The following BIRC6 variants were observed in gnomAD, a reference collection of about 807,000 sequenced individuals.
The protein encoded by BIRC6 is dual E2 ubiquitin-conjugating enzyme/E3 ubiquitin-protein ligase BIRC6.
Under a neutral mutation model 503.3 loss-of-function variants are expected in BIRC6, and 98 were observed. The observed-to-expected ratio is 0.19, with a 90% confidence interval of 0.17 to 0.23. BIRC6 has a LOEUF of 0.23. BIRC6 is among the 10% of genes least tolerant of loss of function. The pLI, the probability that BIRC6 is intolerant of heterozygous loss-of-function variation, is 1.00. For synonymous variants in BIRC6, 2,240 were observed against 2,078.7 expected, an observed-to-expected ratio of 1.08 and a Z score of -2.11; for missense variants, 5,360 against 5,806.0, an observed-to-expected ratio of 0.92 and a Z score of 2.50.
chr2:32,479,349 A>T, intron 36 of BIRC6, 113 bp from the exon 37 acceptor site: 1 of 1,009,900 alleles, frequency 9.9e-7, no homozygotes, highest in Non-Finnish European at 1.5e-6. Flanking sequence ...ATTCTTTTAT[A>T]GTTAGTAGAG....
chr2:32,569,571 T>C (rs544882318), intron 65 of BIRC6, among the ~76,000 whole-genome samples: 1 of 152,116 alleles, frequency 6.6e-6, no homozygotes, highest in East Asian at 1.9e-4. Context: ...AAGGTCTTAC[T>C]ATGTTGTTCA....
In BIRC6 at chr2:32,499,523, GTCTC is replaced by G. The variant is rs145668508; in HGVS notation, c.8469-8_8469-5del. The G allele has an allele frequency of 9.7e-4, 1,308 of 1,348,028 alleles. No individual in the cohort carries two copies. Among genetic ancestry groups the G allele is most frequent in the South Asian group, 2.8e-3 (188 of 68,206 alleles). 83.5% of individuals were successfully genotyped at this position (1,348,028 alleles called of 1,614,324 possible). On this transcript the variant is annotated intron_variant, in intron 45 of 73. Transcript: ENST00000421745. Reference sequence around the variant, plus strand: ...TATCTCTCTCTCTCTCTCTTTTTCTGTCTCTCTCTCTCTCTCTCTGCAGGGGTGC... The same window carrying G: ...TATCTCTCTCTCTCTCTCTTTTTCTGTCTCTCTCTCTCTCTGCAGGGGTGC...
At chr2:32,551,085 A>G (rs2058387238) in intron 65 of BIRC6, among the ~76,000 whole-genome samples, 1 of 152,112 alleles carries the variant, frequency 6.6e-6, no homozygotes, top group African/African-American at 2.4e-5. Flanking sequence ...TTATATTAAG[A>G]TAAAATGATG....
In BIRC6 at chr2:32,490,159, CATAA is replaced by C; in HGVS notation, c.8206+11_8206+14del. 1.3e-6 allele frequency: 2 copies of C among 1,567,916 alleles called. No individual in the cohort carries two copies. Among genetic ancestry groups the C allele is most frequent in the Non-Finnish European group, 1.8e-6 (2 of 1,138,322 alleles). On this transcript the variant is annotated intron_variant, in intron 43 of 73. Transcript: ENST00000421745. ...CAAACATGCAGCTTAATTGTAAGTT[CATAA>C]ATTTATTCATTTAAATCTCTGACAT...
intron 10 of BIRC6, among the ~76,000 whole-genome samples, chr2:32,427,179 A>AT (rs2043601734): frequency 6.6e-6 from 1 of 151,596 alleles, no homozygotes; most frequent in Non-Finnish European, 1.5e-5. Context: ...TTTGCCCATT[A>AT]TTTTTTCAGG....
chr2:32,437,243 GT>G (rs1348513387), intron 15 of BIRC6, among the ~76,000 whole-genome samples: 1 of 152,090 alleles, frequency 6.6e-6, no homozygotes, highest in Non-Finnish European at 1.5e-5. Context: ...AATGATTTGA[GT>G]GTCATAAACA....
At chr2:32,576,587 CTT>C (rs1299862724) in intron 66 of BIRC6, among the ~76,000 whole-genome samples, 1 of 152,102 alleles carries the variant, frequency 6.6e-6, no homozygotes, top group Non-Finnish European at 1.5e-5. Flanking sequence ...CTTTTTCTCA[CTT>C]ATTTTTTAAG....
chr2:32,479,779 G>C (rs1020038238), intron 37 of BIRC6, among the ~76,000 whole-genome samples, 162 bp downstream of exon 37: 8 of 151,990 alleles, frequency 5.3e-5, no homozygotes, highest in African/African-American at 1.9e-4. Flanking sequence ...ATTTTATCTT[G>C]GTTCTCATTA....
intron 65 of BIRC6, among the ~76,000 whole-genome samples, chr2:32,551,297 A>G (rs1401473953): frequency 6.6e-6 from 1 of 152,042 alleles, no homozygotes; most frequent in African/African-American, 2.4e-5. Context: ...CTATTTATTT[A>G]TTTGAGACAG....
At chr2:32,461,343 A>AGTGTGTGTGTGTGTGTGTGTGT (rs373274536) in intron 23 of BIRC6, among the ~76,000 whole-genome samples, 2 of 132,092 alleles carry the variant, frequency 1.5e-5, no homozygotes, top group African/African-American at 5.9e-5. Context: ...ATGCCTGGCT[A>AGTGTGTGTGTGTGTGTGTGTGT]GTGTGTGTGT....
chr2:32,441,621 T>C (rs2045444881), intron 17 of BIRC6, among the ~76,000 whole-genome samples, 159 bp downstream of exon 17: 1 of 152,242 alleles, frequency 6.6e-6, no homozygotes, highest in African/African-American at 2.4e-5. Context: ...GAGTTGTCTT[T>C]ATACTTCATT....
intron 63 of BIRC6, 124 bp from the exon 64 acceptor site, chr2:32,547,726 T>A: frequency 1.2e-6 from 1 of 839,578 alleles, no homozygotes; most frequent in South Asian, 2.3e-5. Context: ...TGTGTTCAAT[T>A]TTTTTGAGCA....
intron 43 of BIRC6, among the ~76,000 whole-genome samples, chr2:32,490,869 T>G (rs1207591686): frequency 6.6e-6 from 1 of 152,216 alleles, no homozygotes; most frequent in Non-Finnish European, 1.5e-5. Flanking sequence ...TAAAATGCTA[T>G]TATCTTTTTT....
intron 61 of BIRC6, among the ~76,000 whole-genome samples, chr2:32,535,486 A>T (rs2057153932): frequency 6.6e-6 from 1 of 151,966 alleles, no homozygotes; most frequent in Non-Finnish European, 1.5e-5. Context: ...CCGGTGTGTG[A>T]TGTTCCCCTT....
At chr2:32,525,432 T>G in intron 58 of BIRC6, 32 bp from the exon 59 acceptor site, 1 of 1,611,966 alleles carries the variant, frequency 6.2e-7, no homozygotes, top group Non-Finnish European at 8.5e-7. Context: ...GTGTGTTGAC[T>G]ATGTAGAATC....
At chr2:32,556,894 G>T (rs1284186170) in intron 65 of BIRC6, among the ~76,000 whole-genome samples, 1 of 152,056 alleles carries the variant, frequency 6.6e-6, no homozygotes, top group Non-Finnish European at 1.5e-5. Flanking sequence ...AGTCAAGAAC[G>T]AGCCACTGCA....
At chr2:32,406,580 T>C in intron 9 of BIRC6, 23 bp downstream of exon 9, 1 of 1,556,276 alleles carries the variant, frequency 6.4e-7, no homozygotes, top group Non-Finnish European at 8.8e-7. Context: ...TATTAGATAA[T>C]GTATTTAAAA....
chr2:32,376,097 A>C (rs927239460), intron 1 of BIRC6, among the ~76,000 whole-genome samples: 1 of 151,766 alleles, frequency 6.6e-6, no homozygotes, highest in Admixed American at 6.6e-5. Context: ...GAGGCAGGAG[A>C]ATGGCATGAA....
chr2:32,553,098 G>A (rs1461699156), intron 65 of BIRC6, among the ~76,000 whole-genome samples: 3 of 145,052 alleles, frequency 2.1e-5, no homozygotes, highest in Admixed American at 6.9e-5. Context: ...TTGGGAGGCT[G>A]AGGCAGGAGA....
Sources: allele counts gnomAD v4.1 joint callset (sites outside exome capture counted in the v4.1 genomes callset), GRCh38; gene constraint gnomAD v4.1.1; transcripts MANE v1.5; gene names NCBI Gene and HGNC (gene_info 2026-07-23, HGNC 2026-07-21).